The following PLEKHD1 variants were observed in gnomAD, a reference collection of about 807,000 sequenced individuals.
The protein encoded by PLEKHD1 is pleckstrin homology and coiled-coil domain containing D1.
In PLEKHD1, 51 loss-of-function variants were observed where a neutral mutation model predicts 69.2. That is an observed-to-expected ratio of 0.74 (90% CI 0.59 to 0.93). The LOEUF (loss-of-function observed/expected upper bound fraction) is 0.93, where lower values mean the gene tolerates loss of function less well. PLEKHD1 is among the 40% of genes least tolerant of loss of function. PLEKHD1 has a pLI of 0.00. For synonymous variants in PLEKHD1, 236 were observed against 244.7 expected (o/e 0.96, Z 0.33); for missense variants, 584 against 641.0 (o/e 0.91, Z 0.96).
chr14:69,520,595 G>T (rs1883491445), intron 6 of PLEKHD1, among the ~76,000 whole-genome samples: 1 of 152,110 alleles, frequency 6.6e-6, no homozygotes, highest in South Asian at 2.1e-4. Context: ...CGGGTGTGGT[G>T]GTGAGTGCCT....
intron 1 of PLEKHD1, among the ~76,000 whole-genome samples, chr14:69,490,545 C>T (rs1050688469): frequency 1.3e-5 from 2 of 152,180 alleles, no homozygotes; most frequent in African/African-American, 4.8e-5. Flanking sequence ...TTACGGTTGT[C>T]TTACTGTTGT....
intron 6 of PLEKHD1, among the ~76,000 whole-genome samples, chr14:69,506,210 C>A (rs1319079790): frequency 6.6e-6 from 1 of 152,230 alleles, no homozygotes; most frequent in East Asian, 1.9e-4. Flanking sequence ...TATTTGAAAG[C>A]TCTTCCTTTC....
chr14:69,497,646 G>A lies in PLEKHD1; in HGVS notation c.150-2469G>A, dbSNP rs181274483. ...GTAGCAGGCAGGGGACAGTGAGCTC[G>A]GCAGTTGACTGGAGGACAGAGAGGC... On this transcript the variant is annotated intron_variant, in intron 1 of 12. Coordinates refer to ENST00000322564, the MANE Select transcript of PLEKHD1 (RefSeq NM_001161498.2). 2.4e-3 allele frequency among the ~76,000 whole-genome samples: 361 copies of A among 152,348 alleles called. 5 individuals carry two copies. Among genetic ancestry groups the A allele is most frequent in the East Asian group, 3.5e-3 (18 of 5,192 alleles).
chr14:69,493,747 A>G (rs1272616386), intron 1 of PLEKHD1, among the ~76,000 whole-genome samples: 2 of 152,190 alleles, frequency 1.3e-5, no homozygotes, highest in Non-Finnish European at 1.5e-5. Context: ...AATGCTCTTT[A>G]ATCTGGAAAT....
At chr14:69,489,046 C>G (rs1174368523) in intron 1 of PLEKHD1, among the ~76,000 whole-genome samples, 2 of 152,190 alleles carry the variant, frequency 1.3e-5, no homozygotes, top group Non-Finnish European at 2.9e-5. Context: ...TTTACCCAGA[C>G]CAGGTCTGCC....
the PLEKHD1 span, among the ~76,000 whole-genome samples, chr14:69,473,688 T>C: frequency 6.6e-6 from 1 of 152,216 alleles, no homozygotes; most frequent in African/African-American, 2.4e-5. Context: ...TGTCCCACTC[T>C]GGTTGCACAA....
At chr14:69,484,456 C>T (rs1325128903), upstream of PLEKHD1, among the ~76,000 whole-genome samples, 1 of 152,130 alleles carries the variant, frequency 6.6e-6, no homozygotes, top group African/African-American at 2.4e-5. Flanking sequence ...AGAGGGACCC[C>T]GGGGTGGTGT....
At chr14:69,468,414 C>G in the PLEKHD1 span, among the ~76,000 whole-genome samples, 3 of 152,094 alleles carry the variant, frequency 2.0e-5, no homozygotes, top group African/African-American at 7.2e-5. Context: ...ACAACTAGTT[C>G]AGAAAATTAT....
In PLEKHD1 at chr14:69,523,676, G is replaced by T. The variant is rs75066680; in HGVS notation, c.651-553G>T. 2.5e-3 allele frequency among the ~76,000 whole-genome samples: 378 copies of T among 152,316 alleles called. 3 individuals carry two copies. The highest frequency in any genetic ancestry group is 0.014 in the South Asian group (66 of 4,832). ...ACGAGAATTGAGACACATGCATGAT[G>T]CTTGTGGGCTTGAATACAGGGCTGA... is the stretch of plus-strand genomic sequence containing the variant. On this transcript the variant is annotated intron_variant, in intron 7 of 12. Coordinates refer to ENST00000322564, the MANE Select transcript of PLEKHD1 (RefSeq NM_001161498.2).
chr14:69,471,236 G>C, the PLEKHD1 span, among the ~76,000 whole-genome samples: 3 of 151,022 alleles, frequency 2.0e-5, no homozygotes, highest in Non-Finnish European at 4.4e-5. Context: ...CTCCTGAGTA[G>C]CTGGGACCAC....
upstream of PLEKHD1, among the ~76,000 whole-genome samples, chr14:69,480,029 T>C (rs776215747): frequency 6.6e-6 from 1 of 152,220 alleles, no homozygotes; most frequent in Non-Finnish European, 1.5e-5. Flanking sequence ...CCCTGGACTA[T>C]GTCTTCAAGG....
intron 1 of PLEKHD1, among the ~76,000 whole-genome samples, chr14:69,493,927 C>A (rs576803338): frequency 6.6e-6 from 1 of 152,226 alleles, no homozygotes; most frequent in Admixed American, 6.5e-5. Context: ...GAGGGATGGG[C>A]TTCACACGGG....
intron 2 of PLEKHD1, 171 bp from the exon 3 acceptor site, chr14:69,500,405 CA>C (rs902882747): frequency 1.4e-6 from 1 of 695,222 alleles, no homozygotes; most frequent in Non-Finnish European, 2.4e-6. Context: ...GACCCTGCCC[CA>C]ACCCTTCCTC....
At chr14:69,501,109 A>G (rs1178771920) in intron 4 of PLEKHD1, 162 bp downstream of exon 4, 7 of 705,910 alleles carry the variant, frequency 9.9e-6, no homozygotes, top group Non-Finnish European at 1.7e-5. Flanking sequence ...GTTTTAGAGC[A>G]TCTGTGAGGG....
At chr14:69,520,610 T>G (rs1480603145) in intron 6 of PLEKHD1, among the ~76,000 whole-genome samples, 1 of 152,040 alleles carries the variant, frequency 6.6e-6, no homozygotes, top group Non-Finnish European at 1.5e-5. Flanking sequence ...GTGCCTGTAA[T>G]CCCAGCTACT....
chr14:69,484,209 C>T (rs1299394587), upstream of PLEKHD1, among the ~76,000 whole-genome samples: 1 of 152,232 alleles, frequency 6.6e-6, no homozygotes, highest in East Asian at 1.9e-4. Flanking sequence ...GAAGTCCTAC[C>T]TGGCCACCCG....
At chr14:69,479,408 G>A in the PLEKHD1 span, among the ~76,000 whole-genome samples, 2 of 152,152 alleles carry the variant, frequency 1.3e-5, no homozygotes, top group Non-Finnish European at 2.9e-5. Context: ...ATCAGCTTGG[G>A]GCCTTGAAAA....
chr14:69,490,259 G>A (rs1452373228), intron 1 of PLEKHD1, among the ~76,000 whole-genome samples: 1 of 152,132 alleles, frequency 6.6e-6, no homozygotes, highest in Non-Finnish European at 1.5e-5. Flanking sequence ...TGGGTGTGGG[G>A]GTGGTTTCAT....
chr14:69,471,687 CCTCAGGATGT>C, the PLEKHD1 span, among the ~76,000 whole-genome samples: 1 of 152,120 alleles, frequency 6.6e-6, no homozygotes. Flanking sequence ...AATCATGCTG[CCTCAGGATGT>C]CTCAAGTCCA....
Sources: gnomAD v4.1 joint callset for allele counts (sites outside exome capture counted in the v4.1 genomes callset) on GRCh38, gnomAD v4.1.1 for gene constraint, MANE v1.5 for transcripts, NCBI Gene and HGNC (gene_info 2026-07-23, HGNC 2026-07-21) for gene names.